The following SLC9C1 variants were observed in gnomAD, a reference collection of about 807,000 sequenced individuals.
The protein encoded by SLC9C1 is solute carrier family 9 member C1.
A neutral mutation model predicts 140.9 loss-of-function variants in SLC9C1; 97 were observed. The ratio of observed to expected loss-of-function variants is 0.69; its 90% CI spans 0.58 to 0.82. The LOEUF (loss-of-function observed/expected upper bound fraction) is 0.82. Among genes scored for constraint, SLC9C1 ranks in the 40% least tolerant of loss-of-function variants. The probability of loss-of-function intolerance (pLI) is 0.00; values close to 1 mark genes in which losing one functional copy is unlikely to be tolerated. For synonymous variants in SLC9C1, 440 were observed against 442.6 expected, an observed-to-expected ratio of 0.99 and a Z score of 0.07; for missense variants, 1,340 against 1,389.3, an observed-to-expected ratio of 0.96 and a Z score of 0.56.
In SLC9C1 at chr3:112,141,300, AAAAAC is replaced by A; in HGVS notation, c.3525-24_3525-20del. 6.3e-7 allele frequency: 1 copy of A among 1,579,762 alleles called. No individual in the cohort carries two copies. Among genetic ancestry groups the A allele is most frequent in the Non-Finnish European group, 8.6e-7 (1 of 1,164,188 alleles). On this transcript the variant is annotated intron_variant, in intron 28 of 28. Transcript: ENST00000305815. ...CTCTTTCCTAATAGAAGCGGAAAGA[AAAAAC>A]AAAAACATAGAGGGCTTTTGAATCT...
intron 15 of SLC9C1, among the ~76,000 whole-genome samples, chr3:112,209,683 T>C (rs896783218): frequency 1.3e-5 from 2 of 152,172 alleles, no homozygotes; most frequent in African/African-American, 4.8e-5. Flanking sequence ...ATCAGTTGTA[T>C]TTCTATACAC....
chr3:112,151,528 T>C (rs753882848), intron 28 of SLC9C1: 7 of 523,686 alleles, frequency 1.3e-5, no homozygotes, highest in African/African-American at 5.7e-5. Context: ...TCATAACTTA[T>C]CTTTTTATAT....
chr3:112,228,613 A>G (rs2078741795), intron 13 of SLC9C1, among the ~76,000 whole-genome samples: 1 of 152,160 alleles, frequency 6.6e-6, no homozygotes, highest in South Asian at 2.1e-4. Context: ...GAACAAAAAG[A>G]AATATTTGCA....
intron 15 of SLC9C1, 73 bp downstream of exon 15, chr3:112,217,369 C>G: frequency 6.7e-7 from 1 of 1,485,230 alleles, no homozygotes; most frequent in Non-Finnish European, 8.9e-7. Context: ...ATTCAAGATA[C>G]CATTTTAAAA....
chr3:112,147,603 T>C (rs771609430), intron 28 of SLC9C1: 1 of 340,788 alleles, frequency 2.9e-6, no homozygotes, highest in Non-Finnish European at 5.8e-6. Flanking sequence ...AAGATGAATA[T>C]AGATCCCCAG....
At chr3:112,215,957 A>G (rs2078354796) in intron 15 of SLC9C1, among the ~76,000 whole-genome samples, 1 of 152,226 alleles carries the variant, frequency 6.6e-6, no homozygotes, top group Admixed American at 6.5e-5. Flanking sequence ...TTCAAACTAT[A>G]CTACAAGGCT....
At chr3:112,186,024 AT>A in intron 20 of SLC9C1, 1 of 1,426,864 alleles carries the variant, frequency 7.0e-7, no homozygotes, top group Non-Finnish European at 9.3e-7. Flanking sequence ...TCTTATGTGT[AT>A]TAGCCATTTA....
intron 27 of SLC9C1, 95 bp from the exon 28 acceptor site, chr3:112,152,058 G>A (rs908052146): frequency 2.3e-5 from 21 of 896,300 alleles, no homozygotes; most frequent in Middle Eastern, 3.5e-4. Context: ...GCAAGGTGGA[G>A]ATGAGAGACT....
In SLC9C1 at chr3:112,266,311, T is replaced by C; in HGVS notation, c.805A>G (p.Thr269Ala). 1 of 1,609,616 alleles carries C rather than the reference T, an allele frequency of 6.2e-7. No homozygotes were observed. The highest frequency in any genetic ancestry group is 1.1e-5 in the South Asian group (1 of 89,284). ...AAAAGAAGTCCCACAATGGCCAGAGTAAATATTCCTGACATTCCAACTAAC... is the reference window on the plus strand; with the variant it reads ...AAAAGAAGTCCCACAATGGCCAGAGCAAATATTCCTGACATTCCAACTAAC... Reference protein sequence around the residue: ...CELVGMSGIFTLAIVGLLLNS... With the variant: ...CELVGMSGIFALAIVGLLLNS... The change falls in exon 8 of 29, where the codon ACT (threonine) becomes GCT (alanine). Residue 269 changes from threonine (T) to alanine (A), a missense_variant. Transcript: ENST00000305815.
chr3:112,200,208 G>A (rs894699702), intron 19 of SLC9C1, among the ~76,000 whole-genome samples: 5 of 152,092 alleles, frequency 3.3e-5, no homozygotes, highest in Non-Finnish European at 7.4e-5. Flanking sequence ...CACCAGGAGC[G>A]TGACTTGGCA....
In SLC9C1 at chr3:112,233,334, T is replaced by G. The variant is rs117790141; in HGVS notation, c.1447-1848A>C. 1.2e-3 allele frequency among the ~76,000 whole-genome samples: 185 copies of G among 152,268 alleles called. 3 individuals carry two copies. In the East Asian group the frequency reaches 0.029, roughly 24 times the overall value. ...CACCTGCCTTGGCTTCCCAAAGTGT[T>G]AAGATTACAGGCATGAGCCACTGTG... On this transcript the variant is annotated intron_variant, in intron 12 of 28. Coordinates refer to ENST00000305815, the MANE Select transcript of SLC9C1 (RefSeq NM_183061.3).
chr3:112,164,129 AT>A (rs1365267337), intron 26 of SLC9C1, among the ~76,000 whole-genome samples: 1 of 151,466 alleles, frequency 6.6e-6, no homozygotes, highest in Non-Finnish European at 1.5e-5. Flanking sequence ...TGCTTGGTAG[AT>A]TTTCCTCCAT....
intron 28 of SLC9C1, among the ~76,000 whole-genome samples, chr3:112,150,841 T>TACACATATATATATATATATATATATA (rs1491261631): frequency 2.9e-5 from 1 of 34,554 alleles, no homozygotes; most frequent in African/African-American, 1.8e-4. Context: ...TATATATATA[T>TACACATATATATATATATATATATATA]TTTTTTTTTT....
chr3:112,224,300 G>A (rs1472607049), intron 13 of SLC9C1, among the ~76,000 whole-genome samples: 1 of 152,100 alleles, frequency 6.6e-6, no homozygotes, highest in Non-Finnish European at 1.5e-5. Flanking sequence ...GACACCCTGG[G>A]ACATATCTGC....
chr3:112,172,182 ATAT>A (rs1469229665), intron 23 of SLC9C1, among the ~76,000 whole-genome samples: 2 of 152,122 alleles, frequency 1.3e-5, no homozygotes, highest in Non-Finnish European at 2.9e-5. Context: ...TATCTTAATA[ATAT>A]TATGGGCTCT....
At chr3:112,277,604 T>G in intron 5 of SLC9C1, 91 bp downstream of exon 5, 1 of 1,174,170 alleles carries the variant, frequency 8.5e-7, no homozygotes, top group Non-Finnish European at 1.1e-6. Flanking sequence ...CTTCTCACAG[T>G]GAAAAGCTAC....
chr3:112,183,313 G>A (rs986117436), intron 20 of SLC9C1, among the ~76,000 whole-genome samples: 11 of 127,216 alleles, frequency 8.6e-5, no homozygotes, highest in Non-Finnish European at 1.8e-4. Context: ...GTTTTAATTT[G>A]CATCAAGCTT....
chr3:112,214,912 A>G (rs961303662), intron 15 of SLC9C1, among the ~76,000 whole-genome samples: 19 of 76,370 alleles, frequency 2.5e-4, no homozygotes, highest in Middle Eastern at 5.0e-3. Context: ...ACAAAAAAAG[A>G]GAATTTTAGA....
At chr3:112,192,692 A>G (rs1256963624) in intron 20 of SLC9C1, among the ~76,000 whole-genome samples, 3 of 151,984 alleles carry the variant, frequency 2.0e-5, no homozygotes, top group South Asian at 4.1e-4. Context: ...TGAATTCCTC[A>G]GCTCTAGAAT....
Sources: gnomAD v4.1 joint callset for allele counts (sites outside exome capture counted in the v4.1 genomes callset) on GRCh38, gnomAD v4.1.1 for gene constraint, MANE v1.5 for transcripts, NCBI Gene and HGNC (gene_info 2026-07-23, HGNC 2026-07-21) for gene names.